The following STRN variants were observed in gnomAD, a reference collection of about 807,000 sequenced individuals.
STRN encodes the protein striatin, also known as protein phosphatase 2 regulatory subunit B'''alpha.
A neutral mutation model predicts 96.3 loss-of-function variants in STRN; 53 were observed. That is an observed-to-expected ratio of 0.55 (90% CI 0.44 to 0.69). The LOEUF (loss-of-function observed/expected upper bound fraction) is 0.69, where lower values mean the gene tolerates loss of function less well. STRN is among the 30% of genes least tolerant of loss of function. The probability of loss-of-function intolerance (pLI) is 0.00; values close to 1 mark genes in which losing one functional copy is unlikely to be tolerated. For synonymous variants in STRN, 428 were observed against 355.9 expected (o/e 1.20, Z -2.28); for missense variants, 987 against 963.9 (o/e 1.02, Z -0.32).
At position 36,886,013 on chromosome 2, in the gene STRN, T is replaced by C. The variant is rs556250015; in HGVS notation, c.1042+703A>G. Among the ~76,000 whole-genome samples, 165 of 152,278 alleles carry C rather than the reference T, an allele frequency of 1.1e-3. 5 individuals carry two copies. In the South Asian group the frequency reaches 0.033, roughly 31 times the overall value. On this transcript the variant is annotated intron_variant, in intron 8 of 17. Coordinates refer to ENST00000263918, the MANE Select transcript of STRN (RefSeq NM_003162.4). ...TGTATTTCCATTTTACATTCTTAAC[T>C]AGATCCATTGCTAAACAATTTGCAT...
rs1463401951 is a variant in STRN, at chr2:36,843,352, T to C, written c.*6104A>G. Among the ~76,000 whole-genome samples, 1 of 152,172 alleles carries C rather than the reference T, an allele frequency of 6.6e-6. No homozygotes were observed. Among genetic ancestry groups the C allele is most frequent in the Non-Finnish European group, 1.5e-5 (1 of 68,020 alleles). The stretch of plus-strand genomic sequence containing the variant: ...GGCCAAAGGCCTTGAAAAATAATGT[T>C]GATTTGAAGGGGCAGGGAGTGTGGA... On this transcript the variant is annotated 3_prime_UTR_variant, in exon 18 of 18. Transcript: ENST00000263918.
rs1667988086 is a variant in STRN, at chr2:36,843,086, T to C, written c.*6370A>G. On this transcript the variant is annotated 3_prime_UTR_variant, in exon 18 of 18. Coordinates refer to ENST00000263918, the MANE Select transcript of STRN (RefSeq NM_003162.4). ...TTGGAGTTTTAATGACCTCCTGAGATAGATCTCCAAAATTACTCAAGCTAA... is the reference window on the plus strand; with the variant it reads ...TTGGAGTTTTAATGACCTCCTGAGACAGATCTCCAAAATTACTCAAGCTAA... Among the ~76,000 whole-genome samples the C allele has an allele frequency of 6.6e-6, 1 of 152,156 alleles. No individual in the cohort carries two copies. The highest frequency in any genetic ancestry group is 2.1e-4 in the South Asian group (1 of 4,822).
At chr2:36,962,550 T>C (rs13009658) in intron 1 of STRN, among the ~76,000 whole-genome samples, 1 of 151,644 alleles carries the variant, frequency 6.6e-6, no homozygotes, top group East Asian at 1.9e-4. Context: ...TTTCTTAAGA[T>C]GGAGTCTCAT....
intron 1 of STRN, among the ~76,000 whole-genome samples, chr2:36,940,836 C>CAAA (rs56996485): frequency 1.7e-4 from 8 of 46,558 alleles, no homozygotes; most frequent in Non-Finnish European, 2.6e-4. Context: ...GACTCTGTCT[C>CAAA]AAAAAAAAAA....
Position 36,966,281 on chromosome 2 carries a change from G to C in STRN, c.183C>G (p.Ala61=), listed in dbSNP as rs371321067. 8.8e-6 allele frequency: 14 copies of C among 1,585,160 alleles called. No homozygotes were observed. The highest frequency in any genetic ancestry group is 1.4e-5 in the African/African-American group (1 of 72,494). ...GILHFLQHEW[A]RFEVERAQWE... ...ACTGGGCTCTCTCCACCTCGAAGCG[G>C]GCCCACTCGTGCTGCAGGAAGTGCA... is the stretch of plus-strand genomic sequence containing the variant. Residue 61 remains alanine, a synonymous_variant, in exon 1 of 18, where the codon GCC becomes GCG. Transcript: ENST00000263918.
intron 14 of STRN, among the ~76,000 whole-genome samples, chr2:36,855,890 T>C (rs1056606931): frequency 1.3e-5 from 2 of 152,154 alleles, no homozygotes; most frequent in African/African-American, 4.8e-5. Context: ...CCATCTAGAA[T>C]ACATGAAAAC....
chr2:36,931,869 C>A (rs1044118337), intron 1 of STRN, among the ~76,000 whole-genome samples: 1 of 152,214 alleles, frequency 6.6e-6, no homozygotes, highest in Non-Finnish European at 1.5e-5. Context: ...CGCTCTGTTG[C>A]CCAGGCTGGA....
At chr2:36,913,131 C>T (rs1670006425) in intron 3 of STRN, among the ~76,000 whole-genome samples, 1 of 152,176 alleles carries the variant, frequency 6.6e-6, no homozygotes, top group Non-Finnish European at 1.5e-5. Context: ...GCCCCATCTC[C>T]AACGTTGCTC....
chr2:36,870,389 G>A (rs1668733168), intron 10 of STRN, among the ~76,000 whole-genome samples: 1 of 151,874 alleles, frequency 6.6e-6, no homozygotes, highest in Admixed American at 6.6e-5. Context: ...AGCACCACAG[G>A]GTATGAATTC....
intron 12 of STRN, among the ~76,000 whole-genome samples, chr2:36,862,784 G>A (rs1668524394): frequency 8.6e-5 from 13 of 151,626 alleles, no homozygotes; most frequent in Admixed American, 8.5e-4. Context: ...ACCCAGGCTG[G>A]AGTGCAGTGG....
intron 1 of STRN, among the ~76,000 whole-genome samples, chr2:36,955,787 G>A (rs1241271994): frequency 6.6e-6 from 1 of 152,124 alleles, no homozygotes; most frequent in Non-Finnish European, 1.5e-5. Context: ...TGAAATGCTC[G>A]GGACCAGAAG....
chr2:36,906,076 C>G (rs1228127416), intron 3 of STRN, among the ~76,000 whole-genome samples: 1 of 152,188 alleles, frequency 6.6e-6, no homozygotes, highest in Non-Finnish European at 1.5e-5. Context: ...CCCCATTTTC[C>G]ATGATGTGAC....
intron 1 of STRN, among the ~76,000 whole-genome samples, chr2:36,936,420 G>A (rs1451992436): frequency 6.6e-6 from 1 of 152,178 alleles, no homozygotes; most frequent in East Asian, 1.9e-4. Flanking sequence ...GTGGAATTAA[G>A]AGAGAAATTC....
In STRN at chr2:36,877,750, G is replaced by A. The variant is rs1668952130; in HGVS notation, c.1323+141C>T. 7.4e-6 allele frequency: 6 copies of A among 809,434 alleles called. No individual in the cohort carries two copies. In the South Asian group the frequency reaches 7.8e-5, roughly 11 times the overall value. The allele number at this position is 809,434 out of a possible 1,614,324, so 50.1% of individuals were successfully genotyped here. A position where few individuals can be genotyped will look rare whatever the true frequency, so the allele number is the denominator to read the frequency against. On this transcript the variant is annotated intron_variant, in intron 10 of 17. Transcript: ENST00000263918. Reference sequence around the variant, plus strand: ...AGCGTTTCTCAATGTTGGCCAGGCTGGTTTTGAACTCCTGACCTCAAGTGA... The same window carrying A: ...AGCGTTTCTCAATGTTGGCCAGGCTAGTTTTGAACTCCTGACCTCAAGTGA...
chr2:36,902,445 C>T, intron 5 of STRN, 139 bp downstream of exon 5: 1 of 546,968 alleles, frequency 1.8e-6, no homozygotes, highest in South Asian at 5.0e-5. Flanking sequence ...ACCTTCTAAC[C>T]AAATAAAATG....
At chr2:36,850,515 C>A (rs1413375715) in intron 16 of STRN, among the ~76,000 whole-genome samples, 3 of 152,092 alleles carry the variant, frequency 2.0e-5, no homozygotes, top group Admixed American at 2.0e-4. Flanking sequence ...AAAACGAATA[C>A]AATGACCTGG....
chr2:36,839,135 C>T lies in STRN; in HGVS notation c.*10321G>A, dbSNP rs534559204. ...TGAAGGGGTATGATGGGACATGCTTCGTTTTGCCATTATGAATCTTTATGC... is the reference window on the plus strand; with the variant it reads ...TGAAGGGGTATGATGGGACATGCTTTGTTTTGCCATTATGAATCTTTATGC... On this transcript the variant is annotated 3_prime_UTR_variant, in exon 18 of 18. Coordinates refer to ENST00000263918, the MANE Select transcript of STRN (RefSeq NM_003162.4). 2.2e-4 allele frequency among the ~76,000 whole-genome samples: 33 copies of T among 152,236 alleles called. No individual in the cohort carries two copies. Among genetic ancestry groups the T allele is most frequent in the African/African-American group, 7.0e-4 (29 of 41,546 alleles).
At chr2:36,964,186 G>GGGC (rs1020514978) in intron 1 of STRN, among the ~76,000 whole-genome samples, 2 of 75,890 alleles carry the variant, frequency 2.6e-5, no homozygotes, top group African/African-American at 1.1e-4. Context: ...GGGGCGGGGC[G>GGGC]GGGGGAAGGA....
chr2:36,863,469 T>C (rs938706255), intron 12 of STRN, among the ~76,000 whole-genome samples: 2 of 152,210 alleles, frequency 1.3e-5, no homozygotes, highest in African/African-American at 4.8e-5. Context: ...TTGTCGAAGA[T>C]TAGACGGTTA....
Sources: gnomAD v4.1 joint callset for allele counts (sites outside exome capture counted in the v4.1 genomes callset) on GRCh38, gnomAD v4.1.1 for gene constraint, MANE v1.5 for transcripts, NCBI Gene and HGNC (gene_info 2026-07-23, HGNC 2026-07-21) for gene names.